Variants in MAP3K9 observed in about 807,000 individuals in gnomAD.
MAP3K9 encodes mitogen-activated protein kinase kinase kinase 9.
Under a neutral mutation model 95.8 loss-of-function variants are expected in MAP3K9, and 46 were observed. That is an observed-to-expected ratio of 0.48 (90% CI 0.38 to 0.61). MAP3K9 has a LOEUF of 0.61. Ranked by LOEUF, MAP3K9 falls within the 20% of genes least tolerant of loss-of-function variation. The probability of loss-of-function intolerance (pLI) is 0.00; values close to 1 mark genes in which losing one functional copy is unlikely to be tolerated. For missense variants in MAP3K9, 1,296 were observed against 1,474.3 expected (o/e 0.88, Z 1.98); for synonymous variants, 533 against 593.8 (o/e 0.90, Z 1.49).
intron 4 of MAP3K9, 99 bp from the exon 5 acceptor site, chr14:70,749,103 C>G: frequency 8.5e-7 from 1 of 1,178,716 alleles, no homozygotes; most frequent in South Asian, 1.6e-5. Context: ...AAAACTACCT[C>G]TTACTTCTTC....
At chr14:70,742,707 G>C in intron 5 of MAP3K9, 116 bp from the exon 6 acceptor site, 2 of 1,194,868 alleles carry the variant, frequency 1.7e-6, no homozygotes, top group Non-Finnish European at 2.3e-6. Flanking sequence ...GCTCTCCTAT[G>C]ATGCTCAGTG....
Position 70,722,954 on chromosome 14 carries a change from T to C in MAP3K9, c.*7426A>G, listed in dbSNP as rs1437363503. On this transcript the variant is annotated 3_prime_UTR_variant, in exon 12 of 12. Transcript: ENST00000554752. ...GGGGAGGAAAAATCCCAAAGAAAGCTTTTCTGTGAACTAAGTAAAACCCAT... is the reference window on the plus strand; with the variant it reads ...GGGGAGGAAAAATCCCAAAGAAAGCCTTTCTGTGAACTAAGTAAAACCCAT... 6.6e-6 allele frequency: 1 copy of C among 152,140 alleles called. No homozygotes were observed. Among genetic ancestry groups the C allele is most frequent in the Non-Finnish European group, 1.5e-5 (1 of 68,038 alleles). 9.4% of individuals were successfully genotyped at this position (152,140 alleles called of 1,614,324 possible). A position where few individuals can be genotyped will look rare whatever the true frequency, so the allele number is the denominator to read the frequency against.
At chr14:70,739,513 C>T (rs1417665500) in intron 7 of MAP3K9, among the ~76,000 whole-genome samples, 1 of 150,408 alleles carries the variant, frequency 6.6e-6, no homozygotes, top group East Asian at 1.9e-4. Flanking sequence ...CACACACACA[C>T]ACACACACAC....
intron 2 of MAP3K9, among the ~76,000 whole-genome samples, chr14:70,780,957 G>A (rs1444335038): frequency 1.3e-5 from 2 of 152,230 alleles, no homozygotes; most frequent in African/African-American, 2.4e-5. Flanking sequence ...CCAGGGCCTT[G>A]TATCCCCAAG....
At chr14:70,801,868 C>T (rs1235370992) in intron 1 of MAP3K9, among the ~76,000 whole-genome samples, 1 of 152,156 alleles carries the variant, frequency 6.6e-6, no homozygotes, top group African/African-American at 2.4e-5. Flanking sequence ...GAGCCAAGAA[C>T]ATGGAGTACG....
In MAP3K9 at chr14:70,730,694, G is replaced by A. The variant is rs371313853; in HGVS notation, c.3001C>T (p.Arg1001Trp). 4.4e-5 allele frequency: 71 copies of A among 1,613,696 alleles called. No individual in the cohort carries two copies. Among genetic ancestry groups the A allele is most frequent in the Non-Finnish European group, 5.3e-5 (63 of 1,180,036 alleles). ...FLPRPRPSAN[R>W]QRLDPWWFVS... is the part of the protein sequence containing the mutation. ...AACCACCAAGGGTCCAGCCGTTGCC[G>A]GTTGGCAGAAGGACGCGGCCGAGGC... is the stretch of plus-strand genomic sequence containing the variant. The change falls in exon 12 of 12, where the codon CGG becomes TGG. Residue 1001 changes from arginine (R) to tryptophan (W), a missense_variant. Around this residue, in one of 5 missense-constraint regions of MAP3K9, gnomAD observed 433 missense variants for 441.4 expected, o/e 0.98. Coordinates refer to ENST00000554752, the MANE Select transcript of MAP3K9 (RefSeq NM_001284230.2).
chr14:70,748,663 T>G (rs2332457), intron 5 of MAP3K9, among the ~76,000 whole-genome samples, 166 bp downstream of exon 5: 84,883 of 152,026 alleles, frequency 0.56, 23,858 homozygotes, highest in Middle Eastern at 0.67. Flanking sequence ...TGCATTCTTC[T>G]CTGGTTTGGA....
rs2054012625 is a variant in MAP3K9 at position 70,738,235 on chromosome 14, T to A, written c.1844+10A>T. 6.2e-7 allele frequency: 1 copy of A among 1,600,564 alleles called. No individual in the cohort carries two copies. On this transcript the variant is annotated intron_variant, in intron 8 of 11. Transcript: ENST00000554752. ...AAGAGAGAAAGAATTTCATGTCATC[T>A]GGCACTTACCCTTCATCTCCCGAGG...
intron 8 of MAP3K9, among the ~76,000 whole-genome samples, chr14:70,737,386 G>A (rs1390265324): frequency 6.6e-6 from 1 of 152,206 alleles, no homozygotes; most frequent in Non-Finnish European, 1.5e-5. Flanking sequence ...GTGTGGTGGT[G>A]CCAGGGTTCA....
At chr14:70,767,551 C>A (rs1383206993) in intron 2 of MAP3K9, among the ~76,000 whole-genome samples, 1 of 151,958 alleles carries the variant, frequency 6.6e-6, no homozygotes, top group Non-Finnish European at 1.5e-5. Flanking sequence ...AAGAGTAATA[C>A]CTCAGCCAGG....
At chr14:70,767,291 G>T (rs1189845501) in intron 2 of MAP3K9, among the ~76,000 whole-genome samples, 1 of 151,324 alleles carries the variant, frequency 6.6e-6, no homozygotes, top group African/African-American at 2.4e-5. Flanking sequence ...GGCTGAGGCA[G>T]GAGAATTTCT....
intron 11 of MAP3K9, among the ~76,000 whole-genome samples, chr14:70,731,916 TG>T (rs1231635635): frequency 6.6e-6 from 1 of 152,154 alleles, no homozygotes; most frequent in African/African-American, 2.4e-5. Flanking sequence ...AGGAAAGAGA[TG>T]GTGACAGGAA....
chr14:70,787,289 A>C (rs2054757013), intron 2 of MAP3K9, among the ~76,000 whole-genome samples: 1 of 152,018 alleles, frequency 6.6e-6, no homozygotes, highest in African/African-American at 2.4e-5. Flanking sequence ...CGGGCGGATC[A>C]CAAGGTCAGG....
intron 2 of MAP3K9, among the ~76,000 whole-genome samples, chr14:70,777,180 A>G (rs970469624): frequency 6.6e-6 from 1 of 152,086 alleles, no homozygotes; most frequent in Non-Finnish European, 1.5e-5. Context: ...GCTTCGACCA[A>G]TGCCCACCTC....
At chr14:70,736,798 C>T (rs562966041) in intron 8 of MAP3K9, among the ~76,000 whole-genome samples, 45 of 152,330 alleles carry the variant, frequency 3.0e-4, no homozygotes, top group African/African-American at 9.6e-4. Context: ...AGGATTCCAT[C>T]GCTGGATTCT....
At chr14:70,746,178 G>A (rs1245045161) in intron 5 of MAP3K9, among the ~76,000 whole-genome samples, 1 of 152,172 alleles carries the variant, frequency 6.6e-6, no homozygotes, top group Non-Finnish European at 1.5e-5. Context: ...CCATGCTCTT[G>A]TCTAAGGGAT....
At chr14:70,781,118 G>A (rs555697763) in intron 2 of MAP3K9, among the ~76,000 whole-genome samples, 24 of 152,356 alleles carry the variant, frequency 1.6e-4, no homozygotes, top group African/African-American at 5.8e-4. Flanking sequence ...AAGCTGAGTG[G>A]TCTTGAGACT....
intron 3 of MAP3K9, among the ~76,000 whole-genome samples, chr14:70,754,094 G>A (rs1366501187): frequency 3.3e-5 from 5 of 152,076 alleles, no homozygotes; most frequent in Admixed American, 1.3e-4. Flanking sequence ...AATAATCTTT[G>A]ACAAAGATAA....
At chr14:70,790,857 C>G (rs1230647368) in intron 2 of MAP3K9, among the ~76,000 whole-genome samples, 2 of 152,154 alleles carry the variant, frequency 1.3e-5, no homozygotes, top group Non-Finnish European at 1.5e-5. Flanking sequence ...TGTGTGCCAT[C>G]CATAAGTGAC....
Sources: gnomAD v4.1 joint callset for allele counts (sites outside exome capture counted in the v4.1 genomes callset) on GRCh38, gnomAD v4.1.1 for gene constraint, gnomAD v4.1.1 regional missense constraint, MANE v1.5 for transcripts, NCBI Gene and HGNC (gene_info 2026-07-23, HGNC 2026-07-21) for gene names.